ARIH2: variants seen among roughly 807,000 people sequenced by gnomAD.
ARIH2 encodes the protein E3 ubiquitin-protein ligase ARIH2.
Under a neutral mutation model 79.8 loss-of-function variants are expected in ARIH2, and 12 were observed. The observed-to-expected ratio is 0.15, with a 90% CI of 0.10 to 0.24. The LOEUF (loss-of-function observed/expected upper bound fraction) is 0.24. Among genes scored for constraint, ARIH2 ranks in the 10% least tolerant of loss-of-function variants. The probability of loss-of-function intolerance (pLI) is 1.00; values close to 1 mark genes in which losing one functional copy is unlikely to be tolerated. For missense variants in ARIH2, 301 were observed against 618.3 expected (o/e 0.49, Z 5.44); for synonymous variants, 224 against 213.9 (o/e 1.05, Z -0.41).
chr3:48,943,004 C>T (rs1459452584), intron 3 of ARIH2, among the ~76,000 whole-genome samples: 2 of 152,058 alleles, frequency 1.3e-5, no homozygotes, highest in African/African-American at 4.8e-5. Context: ...GTCTTGAATT[C>T]CTGACCTCAG....
At chr3:48,956,709 A>G (rs1425745597) in intron 3 of ARIH2, among the ~76,000 whole-genome samples, 2 of 147,230 alleles carry the variant, frequency 1.4e-5, no homozygotes, top group African/African-American at 2.5e-5. Context: ...TTTATTTTTT[A>G]TTTTTTTGAG....
chr3:48,940,645 A>C (rs2087984146), intron 3 of ARIH2, among the ~76,000 whole-genome samples: 1 of 151,640 alleles, frequency 6.6e-6, no homozygotes, highest in Non-Finnish European at 1.5e-5. Context: ...AAATACAAAA[A>C]TTAGTCAGGC....
intron 11 of ARIH2, 100 bp downstream of exon 11, chr3:48,975,079 A>C: frequency 6.3e-7 from 1 of 1,592,874 alleles, no homozygotes; most frequent in Non-Finnish European, 8.6e-7. Flanking sequence ...ATGACAAAAC[A>C]TAGAAGAACC....
intron 14 of ARIH2, 121 bp downstream of exon 14, chr3:48,981,849 A>T: frequency 1.4e-6 from 1 of 710,752 alleles, no homozygotes; most frequent in East Asian, 2.8e-5. Flanking sequence ...TTAAAACAAA[A>T]CTCTAATTGC....
chr3:48,965,425 T>A (rs2091689538), intron 5 of ARIH2, among the ~76,000 whole-genome samples: 1 of 152,198 alleles, frequency 6.6e-6, no homozygotes, highest in Non-Finnish European at 1.5e-5. Flanking sequence ...TGTTCTAGTA[T>A]TGACTTAAAT....
intron 5 of ARIH2, among the ~76,000 whole-genome samples, chr3:48,965,682 C>T (rs1195059308): frequency 6.6e-6 from 1 of 152,108 alleles, no homozygotes; most frequent in South Asian, 2.1e-4. Context: ...CCAGTCCGGC[C>T]AGGCACGGTG....
At chr3:48,982,665 G>A in intron 14 of ARIH2, 1 of 512,600 alleles carries the variant, frequency 2.0e-6, no homozygotes, top group Non-Finnish European at 3.5e-6. Flanking sequence ...GAGTGTGGAG[G>A]GTGGAGTGGA....
At chr3:48,983,126 T>G (rs1297488242) in intron 15 of ARIH2, 73 bp from the exon 16 acceptor site, 1 of 1,563,938 alleles carries the variant, frequency 6.4e-7, no homozygotes, top group Non-Finnish European at 8.8e-7. Flanking sequence ...TCCTGGAGGG[T>G]GTTTGTGGCT....
At chr3:48,967,714 T>C (rs954420451) in intron 6 of ARIH2, among the ~76,000 whole-genome samples, 5 of 152,214 alleles carry the variant, frequency 3.3e-5, no homozygotes, top group African/African-American at 9.7e-5. Context: ...TTAATTGATA[T>C]CTGCAAAGTC....
chr3:48,944,288 T>TA (rs571580316), intron 3 of ARIH2, among the ~76,000 whole-genome samples: 28 of 151,134 alleles, frequency 1.9e-4, no homozygotes, highest in Non-Finnish European at 3.4e-4. Context: ...TTTTCATAAT[T>TA]AAAAAAAAAT....
chr3:48,983,378 G>A lies in ARIH2; in HGVS notation c.*108G>A. On this transcript the variant is annotated 3_prime_UTR_variant, in exon 16 of 16. Coordinates refer to ENST00000356401, the MANE Select transcript of ARIH2 (RefSeq NM_006321.4). ...TTTCATGACCCCAGGCAACAGCCAG[G>A]GCCCCACTCCTGAGAGACACTGGCA... 1 of 1,051,798 alleles carries A rather than the reference G, an allele frequency of 9.5e-7. No homozygotes were observed. The highest frequency in any genetic ancestry group is 1.3e-5 in the South Asian group (1 of 77,692). The allele number at this position is 1,051,798 out of a possible 1,614,324, so 65.2% of individuals were successfully genotyped here. A position where few individuals can be genotyped will look rare whatever the true frequency, so the allele number is the denominator to read the frequency against.
chr3:48,929,422 A>G (rs777224769), intron 3 of ARIH2, among the ~76,000 whole-genome samples: 2 of 151,394 alleles, frequency 1.3e-5, no homozygotes, highest in African/African-American at 4.9e-5. Context: ...CTTCTTATAC[A>G]TGGTCAGCCT....
chr3:48,962,533 C>T (rs2091380053), intron 4 of ARIH2, among the ~76,000 whole-genome samples: 1 of 152,182 alleles, frequency 6.6e-6, no homozygotes, highest in Non-Finnish European at 1.5e-5. Context: ...GGAAAAGGGG[C>T]ACCTCCTCCT....
At position 48,985,833 on chromosome 3, in the gene ARIH2, A is replaced by T. The variant is rs1205943659; in HGVS notation, c.*2563A>T. 1 of 152,212 alleles carries T rather than the reference A, an allele frequency of 6.6e-6. No individual in the cohort carries two copies. Among genetic ancestry groups the T allele is most frequent in the Non-Finnish European group, 1.5e-5 (1 of 68,078 alleles). The allele number at this position is 152,212 out of a possible 1,614,324, so 9.4% of individuals were successfully genotyped here. On this transcript the variant is annotated 3_prime_UTR_variant, in exon 16 of 16. Coordinates refer to ENST00000356401, the MANE Select transcript of ARIH2 (RefSeq NM_006321.4). ...CACAGATAGATCCCAGGGTTGTGGT[A>T]GAGTACTGATATAAATGTCCCAACC...
intron 3 of ARIH2, among the ~76,000 whole-genome samples, chr3:48,930,492 A>G (rs1314626175): frequency 6.6e-6 from 1 of 152,064 alleles, no homozygotes; most frequent in African/African-American, 2.4e-5. Flanking sequence ...CAAAACAACA[A>G]AAATTTTTTT....
At chr3:48,920,414 C>T (rs1345881688) in intron 1 of ARIH2, among the ~76,000 whole-genome samples, 1 of 131,428 alleles carries the variant, frequency 7.6e-6, no homozygotes, top group Non-Finnish European at 1.6e-5. Context: ...AAATGGAGTT[C>T]TCTCTCTTTT....
chr3:48,944,289 A>T (rs1235053259), intron 3 of ARIH2, among the ~76,000 whole-genome samples: 1 of 151,290 alleles, frequency 6.6e-6, no homozygotes, highest in Non-Finnish European at 1.5e-5. Context: ...TTTCATAATT[A>T]AAAAAAAATA....
intron 3 of ARIH2, among the ~76,000 whole-genome samples, chr3:48,958,477 C>T (rs868280175): frequency 1.3e-5 from 2 of 151,480 alleles, no homozygotes; most frequent in Admixed American, 6.6e-5. Flanking sequence ...TTTGGGAGGC[C>T]GAGGCTGGTG....
In ARIH2 at chr3:48,940,808, A is replaced by T. The variant is rs141148608; in HGVS notation, c.255+12995A>T. On this transcript the variant is annotated intron_variant, in intron 3 of 15. Coordinates refer to ENST00000356401, the MANE Select transcript of ARIH2 (RefSeq NM_006321.4). ...AGACTCCGTCTCAAAAAAAAAAAAA[A>T]ATATATATATATATATATATAGCCA... Among the ~76,000 whole-genome samples the T allele has an allele frequency of 4.2e-3, 407 of 98,052 alleles. 2 individuals are homozygous for T. The highest frequency in any genetic ancestry group is 0.011 in the African/African-American group (269 of 24,376). 64.3% of individuals were successfully genotyped at this position (98,052 alleles called of 152,430 possible).
Sources: allele counts gnomAD v4.1 joint callset (sites outside exome capture counted in the v4.1 genomes callset), GRCh38; gene constraint gnomAD v4.1.1; transcripts MANE v1.5; gene names NCBI Gene and HGNC (gene_info 2026-07-23, HGNC 2026-07-21).